The following COP1 variants were observed in gnomAD, a reference collection of about 807,000 sequenced individuals.
COP1 encodes the protein COP1 E3 ubiquitin ligase, also known as E3 ubiquitin-protein ligase COP1.
In COP1, 24 loss-of-function variants were observed where a neutral mutation model predicts 101.3. The observed-to-expected ratio is 0.24, with a 90% CI of 0.17 to 0.33. The LOEUF is 0.33. Ranked by LOEUF, COP1 falls within the 10% of genes least tolerant of loss-of-function variation. The pLI is 1.00. For synonymous variants in COP1, 347 were observed against 341.9 expected (o/e 1.01, Z -0.17); for missense variants, 663 against 906.2 (o/e 0.73, Z 3.45).
At chr1:176,118,748 TCAAA>T (rs550681169) in intron 8 of COP1, among the ~76,000 whole-genome samples, 39 of 151,920 alleles carry the variant, frequency 2.6e-4, no homozygotes, top group Admixed American at 3.9e-4. Context: ...AGGCCCTGTC[TCAAA>T]CAAACAAACA....
At chr1:176,014,557 A>G (rs1274013557) in intron 15 of COP1, among the ~76,000 whole-genome samples, 2 of 152,236 alleles carry the variant, frequency 1.3e-5, no homozygotes, top group Non-Finnish European at 2.9e-5. Context: ...ACTATCTGCT[A>G]AAGACTGAGT....
chr1:176,173,031 G>C (rs1166085830), intron 3 of COP1, among the ~76,000 whole-genome samples: 1 of 152,136 alleles, frequency 6.6e-6, no homozygotes, highest in Non-Finnish European at 1.5e-5. Context: ...TCAGTAATTG[G>C]GCCAGGGGCG....
At chr1:176,040,620 T>C (rs1295446805) in intron 14 of COP1, among the ~76,000 whole-genome samples, 1 of 152,186 alleles carries the variant, frequency 6.6e-6, no homozygotes, top group Non-Finnish European at 1.5e-5. Flanking sequence ...GACGAGTTCT[T>C]AAATCAAGGA....
intron 11 of COP1, among the ~76,000 whole-genome samples, chr1:176,056,945 G>A (rs1008449740): frequency 3.3e-5 from 5 of 152,018 alleles, no homozygotes; most frequent in Non-Finnish European, 7.4e-5. Context: ...AGTTATTTTT[G>A]CCCTTACTCT....
At chr1:175,961,909 GAA>G (rs35007985) in intron 18 of COP1, among the ~76,000 whole-genome samples, 8,029 of 145,440 alleles carry the variant, frequency 0.055, 461 homozygotes, top group South Asian at 0.14. Flanking sequence ...GAATAAATTT[GAA>G]AAAAAAAAAT....
chr1:175,975,766 C>T (rs1193745543), intron 18 of COP1, among the ~76,000 whole-genome samples: 1 of 152,096 alleles, frequency 6.6e-6, no homozygotes, highest in East Asian at 1.9e-4. Flanking sequence ...GAAAAGGAAA[C>T]ACAAGTATGT....
At chr1:176,019,738 G>A (rs1248792345) in intron 15 of COP1, among the ~76,000 whole-genome samples, 2 of 151,596 alleles carry the variant, frequency 1.3e-5, no homozygotes, top group Non-Finnish European at 2.9e-5. Context: ...GCATGCTCCT[G>A]TAGTCTCAGC....
rs1272983146 is a variant in COP1, at chr1:176,206,732, A to G, written c.247T>C (p.Ser83Pro). ...CAGCTGTGCCGGGACAGGCCCGTGG[A>G]CACCGCCCCGCCGCCGCTACCCGAT... is the stretch of plus-strand genomic sequence containing the variant. ...AVSGSGGGAV[S>P]TGLSRHSCAA... is the part of the protein sequence containing the mutation. The change falls in exon 1 of 20, where the codon TCC becomes CCC. Residue 83 changes from serine to proline, a missense_variant. Coordinates refer to ENST00000367669, the MANE Select transcript of COP1 (RefSeq NM_022457.7). 1.3e-6 allele frequency: 2 copies of G among 1,562,376 alleles called. No individual in the cohort carries two copies. Among genetic ancestry groups the G allele is most frequent in the African/African-American group, 2.7e-5 (2 of 73,074 alleles).
At chr1:176,173,613 G>A (rs1256980477) in intron 3 of COP1, among the ~76,000 whole-genome samples, 2 of 150,980 alleles carry the variant, frequency 1.3e-5, no homozygotes, top group African/African-American at 2.4e-5. Flanking sequence ...GCACTCCAGC[G>A]GGTAACAGAG....
intron 9 of COP1, among the ~76,000 whole-genome samples, chr1:176,095,423 C>T (rs953902534): frequency 2.6e-5 from 4 of 152,178 alleles, no homozygotes; most frequent in Non-Finnish European, 5.9e-5. Context: ...TGGCTCACGC[C>T]TGTAATCCCA....
intron 5 of COP1, among the ~76,000 whole-genome samples, chr1:176,152,048 C>T (rs970262797): frequency 6.6e-6 from 1 of 151,320 alleles, no homozygotes; most frequent in African/African-American, 2.4e-5. Flanking sequence ...CCTAGCACTG[C>T]GGGAAGCCAA....
intron 15 of COP1, among the ~76,000 whole-genome samples, chr1:175,996,743 A>G (rs1660249929): frequency 2.6e-5 from 4 of 152,312 alleles, no homozygotes; most frequent in Middle Eastern, 3.4e-3. Context: ...TCAGTGAAAT[A>G]AAAGAGGATA....
chr1:176,064,306 T>A (rs1446952317), intron 11 of COP1, among the ~76,000 whole-genome samples: 6 of 152,166 alleles, frequency 3.9e-5, no homozygotes, highest in African/African-American at 1.4e-4. Flanking sequence ...ATATATATTT[T>A]TAATATTATT....
intron 14 of COP1, among the ~76,000 whole-genome samples, chr1:176,029,121 CA>C (rs1668237591): frequency 1.3e-5 from 2 of 152,156 alleles, no homozygotes; most frequent in South Asian, 4.2e-4. Context: ...AAAATGTACA[CA>C]AACATCTTTA....
chr1:176,170,603 T>C (rs146049924), intron 3 of COP1, among the ~76,000 whole-genome samples: 1 of 152,298 alleles, frequency 6.6e-6, no homozygotes, highest in African/African-American at 2.4e-5. Flanking sequence ...TGAAAAGAGA[T>C]ATGCTGTCTT....
intron 11 of COP1, 25 bp from the exon 12 acceptor site, chr1:176,046,349 C>T (rs1468588138): frequency 1.9e-5 from 31 of 1,595,880 alleles, no homozygotes; most frequent in Non-Finnish European, 2.6e-5. Context: ...TATGTAATGA[C>T]AACATTTCAG....
chr1:176,007,630 G>C (rs7551435), intron 15 of COP1, among the ~76,000 whole-genome samples: 1 of 151,724 alleles, frequency 6.6e-6, no homozygotes, highest in Non-Finnish European at 1.5e-5. Context: ...GCCCCTGCTG[G>C]GGGGTGTCTC....
At chr1:176,133,928 A>G (rs1689375909) in intron 8 of COP1, 1 of 443,020 alleles carries the variant, frequency 2.3e-6, no homozygotes, top group African/African-American at 2.0e-5. Flanking sequence ...ACACAGACCA[A>G]GTCATTCTCA....
intron 18 of COP1, among the ~76,000 whole-genome samples, chr1:175,952,797 GTC>G (rs143821240): frequency 0.069 from 10,542 of 151,990 alleles, 452 homozygotes; most frequent in Non-Finnish European, 0.087. Flanking sequence ...CATGCCTCTA[GTC>G]CCAGCTACTC....
Sources: allele counts gnomAD v4.1 joint callset (sites outside exome capture counted in the v4.1 genomes callset), GRCh38; gene constraint gnomAD v4.1.1; transcripts MANE v1.5; gene names NCBI Gene and HGNC (gene_info 2026-07-23, HGNC 2026-07-21).